Variants in FDFT1 observed in about 807,000 individuals in gnomAD.
FDFT1 encodes farnesyl-diphosphate farnesyltransferase 1, also known as squalene synthase.
FDFT1 carries 68 observed loss-of-function variants against 46.8 expected under a neutral mutation model. The observed-to-expected ratio is 1.45, with a 90% CI of 1.19 to 1.78. The LOEUF (loss-of-function observed/expected upper bound fraction) is 1.78, where lower values mean the gene tolerates loss of function less well. Among genes scored for constraint, FDFT1 ranks in the 40% most tolerant of loss-of-function variants. The probability of loss-of-function intolerance (pLI) is 0.00; values close to 1 mark genes in which losing one functional copy is unlikely to be tolerated. For missense variants in FDFT1, 928 were observed against 524.4 expected, an observed-to-expected ratio of 1.77 and a Z score of -7.52; for synonymous variants, 351 against 185.1, an observed-to-expected ratio of 1.90 and a Z score of -7.28.
chr8:11,799,141 A>G (rs1310747446), upstream of FDFT1, among the ~76,000 whole-genome samples: 3 of 152,222 alleles, frequency 2.0e-5, no homozygotes, highest in Non-Finnish European at 2.9e-5. Flanking sequence ...ATGCATTACA[A>G]TTACACCCTA....
At chr8:11,821,518 G>A (rs1204552007) in intron 3 of FDFT1, among the ~76,000 whole-genome samples, 2 of 152,208 alleles carry the variant, frequency 1.3e-5, no homozygotes, top group African/African-American at 4.8e-5. Flanking sequence ...TTGAACCTGG[G>A]AGGCGGAGTT....
chr8:11,803,353 A>C, intron 1 of FDFT1: 1 of 1,290,590 alleles, frequency 7.7e-7, no homozygotes, highest in Non-Finnish European at 1.0e-6. Flanking sequence ...TTCTGGAATG[A>C]AGTCTGACTC....
At chr8:11,808,250 C>CT (rs1807136191) in intron 1 of FDFT1, 3 of 1,205,340 alleles carry the variant, frequency 2.5e-6, no homozygotes, top group Admixed American at 4.4e-5. Flanking sequence ...TAGGGAGACT[C>CT]TGTCACTGGG....
At chr8:11,815,360 G>C (rs1464260751) in intron 3 of FDFT1, among the ~76,000 whole-genome samples, 1 of 152,080 alleles carries the variant, frequency 6.6e-6, no homozygotes. Flanking sequence ...AGTTGGACGA[G>C]TTATAATCCT....
intron 5 of FDFT1, among the ~76,000 whole-genome samples, chr8:11,826,863 C>T (rs1810064101): frequency 1.3e-5 from 2 of 152,154 alleles, no homozygotes; most frequent in South Asian, 2.1e-4. Context: ...GAATCAGTTA[C>T]TGTTGCTACA....
intron 7 of FDFT1, among the ~76,000 whole-genome samples, chr8:11,835,242 C>CCT (rs1280026202): frequency 1.3e-5 from 2 of 152,166 alleles, no homozygotes; most frequent in South Asian, 2.1e-4. Context: ...GTTTTTAAGA[C>CCT]CTGAATAATT....
chr8:11,822,896 A>G (rs747664699), intron 4 of FDFT1, among the ~76,000 whole-genome samples: 1 of 152,244 alleles, frequency 6.6e-6, no homozygotes, highest in Non-Finnish European at 1.5e-5. Context: ...TGTTGTGCAG[A>G]TTTATTCAGG....
At chr8:11,802,500 C>T (rs1342339106), upstream of FDFT1, 4 of 498,568 alleles carry the variant, frequency 8.0e-6, no homozygotes, top group African/African-American at 7.8e-5. Context: ...GGGCACCAAT[C>T]CCGCTCGTCG....
intron 3 of FDFT1, among the ~76,000 whole-genome samples, chr8:11,812,222 C>T (rs576350812): frequency 4.0e-4 from 61 of 152,336 alleles, no homozygotes; most frequent in African/African-American, 1.4e-3. Context: ...GTACCACGTT[C>T]TGGACATCTG....
Position 11,838,536 on chromosome 8 carries a change from C to G in FDFT1, c.1181C>G (p.Ala394Gly). The change falls in exon 8 of 8, where the codon GCT (alanine) becomes GGT (glycine). Residue 394 changes from alanine to glycine, a missense_variant. Ala to Gly is a moderately conservative substitution (Grantham distance 60). Coordinates refer to ENST00000220584, the MANE Select transcript of FDFT1 (RefSeq NM_004462.5). ...TACCTGTCGTTTGTCATGCTTTTGG[C>G]TGCCCTGAGCTGGCAGTACCTGACC... Reference protein sequence around the residue: ...PIYLSFVMLLAALSWQYLTTL... With the variant: ...PIYLSFVMLLGALSWQYLTTL... 6.2e-7 allele frequency: 1 copy of G among 1,610,346 alleles called. No individual in the cohort carries two copies. The highest frequency in any genetic ancestry group is 8.5e-7 in the Non-Finnish European group (1 of 1,178,270).
chr8:11,820,937 C>G (rs1332026122), intron 3 of FDFT1, among the ~76,000 whole-genome samples: 1 of 152,168 alleles, frequency 6.6e-6, no homozygotes, highest in African/African-American at 2.4e-5. Flanking sequence ...CAGAAATCAC[C>G]CATCTTCTGC....
At chr8:11,811,155 T>C (rs151048647) in intron 3 of FDFT1, among the ~76,000 whole-genome samples, 2 of 152,272 alleles carry the variant, frequency 1.3e-5, no homozygotes, top group African/African-American at 4.8e-5. Context: ...GAATTAGAAC[T>C]GTAACCCTGG....
At chr8:11,799,067 A>G (rs55757177), upstream of FDFT1, among the ~76,000 whole-genome samples, 8,216 of 152,308 alleles carry the variant, frequency 0.054, 313 homozygotes, top group Middle Eastern at 0.082. Flanking sequence ...GACCTGACAC[A>G]TTGAACAAAC....
intron 1 of FDFT1, chr8:11,803,431 C>G: frequency 7.8e-7 from 1 of 1,286,692 alleles, no homozygotes; most frequent in South Asian, 1.2e-5. Context: ...ATCCTCGGTG[C>G]TTCCTGAGTT....
intron 3 of FDFT1, among the ~76,000 whole-genome samples, chr8:11,820,338 T>C (rs1023610306): frequency 9.2e-5 from 14 of 152,186 alleles, no homozygotes; most frequent in Non-Finnish European, 1.8e-4. Context: ...TGTCCGTTAC[T>C]GGAGTTCAAA....
At position 11,808,835 on chromosome 8, in the gene FDFT1, C is replaced by A; in HGVS notation, c.141C>A (p.Leu47=). Residue 47 remains leucine, a synonymous_variant, in exon 2 of 8, where the codon CTC becomes CTA. Transcript: ENST00000220584. ...GCCTGAAAACTTGCTACAAGTATCT[C>A]AATCAGACCAGTCGCAGTTTCGCAG... ...SSSLKTCYKY[L]NQTSRSFAAV... is the part of the protein sequence containing the mutation. 1 of 1,614,106 alleles carries A rather than the reference C, an allele frequency of 6.2e-7. No homozygotes were observed.
intron 6 of FDFT1, 46 bp downstream of exon 6, chr8:11,830,466 G>A (rs1005772435): frequency 1.4e-6 from 2 of 1,390,130 alleles, no homozygotes; most frequent in Non-Finnish European, 1.0e-6. Flanking sequence ...TAAAGGGAGT[G>A]GGGTAGGAGT....
intron 5 of FDFT1, among the ~76,000 whole-genome samples, chr8:11,826,603 C>T (rs1214350993): frequency 6.6e-6 from 1 of 152,182 alleles, no homozygotes; most frequent in East Asian, 1.9e-4. Context: ...CACCTGAGGC[C>T]AGGAGTTCGA....
chr8:11,819,828 C>G (rs557287181), intron 3 of FDFT1, among the ~76,000 whole-genome samples: 1 of 152,212 alleles, frequency 6.6e-6, no homozygotes, highest in Non-Finnish European at 1.5e-5. Context: ...TATTACCAAC[C>G]TTCTGAAGCC....
Sources: allele counts gnomAD v4.1 joint callset (sites outside exome capture counted in the v4.1 genomes callset), GRCh38; gene constraint gnomAD v4.1.1; transcripts MANE v1.5; gene names NCBI Gene and HGNC (gene_info 2026-07-23, HGNC 2026-07-21).